Variants in PLPPR1 observed in about 807,000 individuals in gnomAD.
The protein encoded by PLPPR1 is phospholipid phosphatase-related protein type 1.
Under a neutral mutation model 33.1 loss-of-function variants are expected in PLPPR1, and 10 were observed. That is an observed-to-expected ratio of 0.30 (90% CI 0.19 to 0.51). The LOEUF (loss-of-function observed/expected upper bound fraction) is 0.51. Among genes scored for constraint, PLPPR1 ranks in the 20% least tolerant of loss-of-function variants. The probability of loss-of-function intolerance (pLI) is 0.97; values close to 1 mark genes in which losing one functional copy is unlikely to be tolerated. For synonymous variants in PLPPR1, 151 were observed against 151.0 expected (o/e 1.00, Z 0.00); for missense variants, 304 against 408.1 (o/e 0.74, Z 2.20).
intron 1 of PLPPR1, among the ~76,000 whole-genome samples, chr9:101,091,244 C>G (rs1830737885): frequency 6.6e-6 from 1 of 152,066 alleles, no homozygotes; most frequent in Non-Finnish European, 1.5e-5. Context: ...TGGTATCATC[C>G]TCAATCCCTC....
At chr9:101,247,923 T>C (rs1827643685) in intron 2 of PLPPR1, among the ~76,000 whole-genome samples, 1 of 152,078 alleles carries the variant, frequency 6.6e-6, no homozygotes, top group Non-Finnish European at 1.5e-5. Flanking sequence ...AAGTTTTTTT[T>C]CTGATTCTCA....
intron 1 of PLPPR1, among the ~76,000 whole-genome samples, chr9:101,145,582 T>C (rs1246983575): frequency 6.6e-6 from 1 of 152,104 alleles, no homozygotes; most frequent in Non-Finnish European, 1.5e-5. Flanking sequence ...GGTTTCACCA[T>C]GTTGGCCAGG....
At chr9:101,159,424 A>G (rs1444063650) in intron 1 of PLPPR1, among the ~76,000 whole-genome samples, 1 of 152,180 alleles carries the variant, frequency 6.6e-6, no homozygotes, top group Non-Finnish European at 1.5e-5. Context: ...AATGATATGA[A>G]TAACACTATT....
chr9:101,265,313 C>T (rs1245103639), intron 2 of PLPPR1, among the ~76,000 whole-genome samples: 2 of 152,248 alleles, frequency 1.3e-5, no homozygotes, highest in East Asian at 3.9e-4. Context: ...TGAGGAAAGT[C>T]CCTGGTACAT....
At chr9:101,217,485 A>G (rs1826824724) in intron 2 of PLPPR1, among the ~76,000 whole-genome samples, 1 of 152,212 alleles carries the variant, frequency 6.6e-6, no homozygotes, top group Admixed American at 6.5e-5. Context: ...TAACATTCCC[A>G]TTAATTGTTT....
At chr9:101,323,588 C>A (rs1829195201) in intron 7 of PLPPR1, among the ~76,000 whole-genome samples, 2 of 151,972 alleles carry the variant, frequency 1.3e-5, no homozygotes, top group Admixed American at 1.3e-4. Context: ...GCCTATAATC[C>A]CAGCACTTTG....
chr9:101,175,938 CAAG>C (rs1564166271), intron 1 of PLPPR1, among the ~76,000 whole-genome samples: 1 of 152,070 alleles, frequency 6.6e-6, no homozygotes, highest in Non-Finnish European at 1.5e-5. Context: ...AAAGAAGACT[CAAG>C]AGAGAGAAAA....
chr9:101,075,843 A>T (rs1214580880), intron 1 of PLPPR1, among the ~76,000 whole-genome samples: 1 of 111,560 alleles, frequency 9.0e-6, no homozygotes, highest in Admixed American at 8.7e-5. Context: ...TTGGATGAGG[A>T]TTTCCTTTAG....
chr9:101,089,003 T>A (rs1425842774), intron 1 of PLPPR1, among the ~76,000 whole-genome samples: 1 of 152,176 alleles, frequency 6.6e-6, no homozygotes, highest in African/African-American at 2.4e-5. Context: ...TTATAAATCA[T>A]GAACATTTAA....
chr9:101,051,544 G>A (rs930486973), intron 1 of PLPPR1, among the ~76,000 whole-genome samples: 1 of 152,126 alleles, frequency 6.6e-6, no homozygotes, highest in Admixed American at 6.6e-5. Flanking sequence ...CTTGTCTGGT[G>A]TGCACTTGTC....
At chr9:101,079,468 CTT>C (rs947221956) in intron 1 of PLPPR1, among the ~76,000 whole-genome samples, 2 of 152,034 alleles carry the variant, frequency 1.3e-5, no homozygotes, top group African/African-American at 4.8e-5. Flanking sequence ...ATCTGTTTCT[CTT>C]TTATCCTCAT....
At chr9:101,296,588 G>T (rs575653802) in intron 4 of PLPPR1, among the ~76,000 whole-genome samples, 4 of 152,280 alleles carry the variant, frequency 2.6e-5, no homozygotes, top group African/African-American at 9.6e-5. Context: ...CGAAAATGTG[G>T]CACATATACA....
intron 7 of PLPPR1, among the ~76,000 whole-genome samples, chr9:101,320,658 T>C (rs1829135441): frequency 1.3e-5 from 2 of 152,182 alleles, no homozygotes; most frequent in African/African-American, 4.8e-5. Context: ...TCACCAAGCA[T>C]CTGTTTTTAG....
chr9:101,194,753 C>CA (rs11439112), intron 2 of PLPPR1, among the ~76,000 whole-genome samples: 29,513 of 116,658 alleles, frequency 0.25, 4,206 homozygotes, highest in East Asian at 0.64. Flanking sequence ...AACTCCATCT[C>CA]AAAAAAAAAA....
chr9:101,166,586 G>A (rs973971232), intron 1 of PLPPR1, among the ~76,000 whole-genome samples: 1 of 152,132 alleles, frequency 6.6e-6, no homozygotes, highest in Non-Finnish European at 1.5e-5. Context: ...TTTTAGATAA[G>A]GAAAGCAGTT....
intron 2 of PLPPR1, among the ~76,000 whole-genome samples, chr9:101,208,745 G>A (rs1200754297): frequency 6.6e-6 from 1 of 152,078 alleles, no homozygotes; most frequent in Non-Finnish European, 1.5e-5. Flanking sequence ...CCTTTGGAGT[G>A]GTTTTCTAAA....
chr9:101,047,534 C>T (rs763411282), intron 1 of PLPPR1, among the ~76,000 whole-genome samples: 2 of 152,130 alleles, frequency 1.3e-5, no homozygotes, highest in Non-Finnish European at 2.9e-5. Flanking sequence ...TGCTTTGTGT[C>T]GGGAACACAC....
intron 2 of PLPPR1, among the ~76,000 whole-genome samples, chr9:101,253,918 T>TA (rs907987032): frequency 3.9e-5 from 6 of 152,142 alleles, no homozygotes; most frequent in African/African-American, 1.4e-4. Context: ...TTAACTTAGA[T>TA]AAAAATCATT....
rs1284946843 is a variant in PLPPR1, at chr9:101,251,186, C to T, written c.64-18694C>T. Among the ~76,000 whole-genome samples the T allele has an allele frequency of 3.3e-5, 5 of 152,064 alleles. No individual in the cohort carries two copies. In the East Asian group the frequency reaches 9.7e-4, roughly 29 times the overall value. ...AATTTGTTCCTTTTACAGCCTCTCC[C>T]ATGTGGACCAAGACTTCATTTTTGT... On this transcript the variant is annotated intron_variant, in intron 2 of 7. Transcript: ENST00000374874.
Sources: allele counts gnomAD v4.1 joint callset (sites outside exome capture counted in the v4.1 genomes callset), GRCh38; gene constraint gnomAD v4.1.1; transcripts MANE v1.5; gene names NCBI Gene and HGNC (gene_info 2026-07-23, HGNC 2026-07-21).